The following NRG1 variants were observed in gnomAD, a reference collection of about 807,000 sequenced individuals.
The protein encoded by NRG1 is pro-neuregulin-1, membrane-bound isoform.
A neutral mutation model predicts 63.8 loss-of-function variants in NRG1; 18 were observed. The observed-to-expected ratio is 0.28, with a 90% CI of 0.19 to 0.42. NRG1 has a LOEUF of 0.42. Among genes scored for constraint, NRG1 ranks in the 10% least tolerant of loss-of-function variants. NRG1 has a pLI of 1.00. For missense variants in NRG1, 762 were observed against 814.7 expected (o/e 0.94, Z 0.79); for synonymous variants, 302 against 301.3 (o/e 1.00, Z -0.02).
At chr8:31,783,964 T>G (rs2131626451) in intron 1 of NRG1, among the ~76,000 whole-genome samples, 1 of 152,292 alleles carries the variant, frequency 6.6e-6, no homozygotes, top group Non-Finnish European at 1.5e-5. Flanking sequence ...CTAATTCGGA[T>G]GGTACTATAA....
chr8:32,397,677 T>G (rs1431070801), intron 1 of NRG1, among the ~76,000 whole-genome samples: 1 of 152,148 alleles, frequency 6.6e-6, no homozygotes, highest in Non-Finnish European at 1.5e-5. Context: ...ATTTATAATA[T>G]TATTAAAATC....
upstream of NRG1, among the ~76,000 whole-genome samples, chr8:32,544,746 C>A (rs1832915659): frequency 8.1e-6 from 1 of 123,680 alleles, no homozygotes; most frequent in African/African-American, 3.1e-5. Context: ...TGGTCTTGAA[C>A]TCCTGGGCTC....
intron 1 of NRG1, among the ~76,000 whole-genome samples, chr8:31,668,781 G>A (rs1294605057): frequency 6.6e-6 from 1 of 152,156 alleles, no homozygotes; most frequent in Admixed American, 6.5e-5. Flanking sequence ...ACAGCATATA[G>A]CAGGAATCCT....
chr8:32,423,914 T>C (rs1817009506), intron 1 of NRG1, among the ~76,000 whole-genome samples: 2 of 152,196 alleles, frequency 1.3e-5, no homozygotes, highest in Admixed American at 1.3e-4. Flanking sequence ...CTCAAATTCC[T>C]TGCAGATACT....
intron 1 of NRG1, among the ~76,000 whole-genome samples, chr8:31,783,611 A>C (rs915033643): frequency 9.2e-5 from 14 of 151,798 alleles, no homozygotes; most frequent in Admixed American, 1.3e-4. Flanking sequence ...GGCAAAAAAA[A>C]AAAAAAACAA....
At chr8:32,020,076 C>T (rs1816194058) in intron 1 of NRG1, among the ~76,000 whole-genome samples, 1 of 152,148 alleles carries the variant, frequency 6.6e-6, no homozygotes. Context: ...GCATTAAAAC[C>T]GTGGATGAGT....
chr8:31,834,679 C>G (rs1384077971), intron 1 of NRG1, among the ~76,000 whole-genome samples: 1 of 152,102 alleles, frequency 6.6e-6, no homozygotes, highest in Non-Finnish European at 1.5e-5. Flanking sequence ...TCACTACACT[C>G]CAGTCTGTGT....
intron 1 of NRG1, among the ~76,000 whole-genome samples, chr8:32,242,731 CA>C (rs1382719838): frequency 6.6e-6 from 1 of 152,140 alleles, no homozygotes; most frequent in Non-Finnish European, 1.5e-5. Flanking sequence ...TTTTATTGAG[CA>C]ATTACAAGTC....
At chr8:32,174,284 A>G (rs1165260369) in intron 1 of NRG1, among the ~76,000 whole-genome samples, 4 of 152,184 alleles carry the variant, frequency 2.6e-5, no homozygotes, top group African/African-American at 7.2e-5. Flanking sequence ...TTTGAAACCA[A>G]CGAGAACAAA....
intron 1 of NRG1, among the ~76,000 whole-genome samples, chr8:31,992,259 G>A (rs1811224040): frequency 6.6e-6 from 1 of 152,006 alleles, no homozygotes; most frequent in Non-Finnish European, 1.5e-5. Flanking sequence ...TGATTAGATT[G>A]TATTGGATTT....
At chr8:32,270,986 T>C (rs1373161781) in intron 1 of NRG1, among the ~76,000 whole-genome samples, 1 of 152,204 alleles carries the variant, frequency 6.6e-6, no homozygotes, top group Non-Finnish European at 1.5e-5. Flanking sequence ...AAGTAGGTCT[T>C]TTTATTTGGG....
At chr8:32,040,635 A>G (rs1357281770) in intron 1 of NRG1, among the ~76,000 whole-genome samples, 3 of 147,404 alleles carry the variant, frequency 2.0e-5, no homozygotes, top group Admixed American at 6.8e-5. Context: ...ACACGTATGT[A>G]TGTATATATA....
chr8:31,842,734 C>A (rs906458359), intron 1 of NRG1, among the ~76,000 whole-genome samples: 2 of 152,130 alleles, frequency 1.3e-5, no homozygotes, highest in Non-Finnish European at 2.9e-5. Flanking sequence ...GTAATAAACT[C>A]TTAATAGAAA....
chr8:32,431,314 T>G (rs923816979), intron 1 of NRG1, among the ~76,000 whole-genome samples: 1 of 152,122 alleles, frequency 6.6e-6, no homozygotes. Flanking sequence ...CTCTAGCAAA[T>G]AGGTATCAGA....
At chr8:32,715,472 T>A (rs142043149) in intron 5 of NRG1, among the ~76,000 whole-genome samples, 5 of 152,154 alleles carry the variant, frequency 3.3e-5, no homozygotes, top group Admixed American at 6.5e-5. Context: ...GGTCTCCCAC[T>A]GGTGACTGAT....
intron 1 of NRG1, among the ~76,000 whole-genome samples, chr8:32,137,372 G>T (rs756395616): frequency 2.0e-5 from 3 of 152,072 alleles, no homozygotes; most frequent in Non-Finnish European, 4.4e-5. Context: ...AACCCGAGAG[G>T]CCAAGGTTGC....
At chr8:31,828,729 A>G (rs925159653) in intron 1 of NRG1, among the ~76,000 whole-genome samples, 2 of 152,116 alleles carry the variant, frequency 1.3e-5, no homozygotes, top group African/African-American at 4.8e-5. Flanking sequence ...TTCCTTTGGT[A>G]TTTGCAGGGC....
At chr8:31,713,091 A>C in intron 1 of NRG1, among the ~76,000 whole-genome samples, 1 of 143,496 alleles carries the variant, frequency 7.0e-6, no homozygotes, top group Non-Finnish European at 1.5e-5. Flanking sequence ...AGCCCTACTC[A>C]CTGCCATACT....
At chr8:32,027,546 G>A (rs1031867913) in intron 1 of NRG1, among the ~76,000 whole-genome samples, 1 of 139,520 alleles carries the variant, frequency 7.2e-6, no homozygotes, top group African/African-American at 2.6e-5. Flanking sequence ...TCATGCTTGT[G>A]TGTCCCTAAG....
Sources: allele counts gnomAD v4.1 joint callset (sites outside exome capture counted in the v4.1 genomes callset), GRCh38; gene constraint gnomAD v4.1.1; transcripts MANE v1.5; gene names NCBI Gene and HGNC (gene_info 2026-07-23, HGNC 2026-07-21).